The following RNPEP variants were observed in gnomAD, a reference collection of about 807,000 sequenced individuals.
RNPEP encodes arginyl aminopeptidase, also known as aminopeptidase B.
RNPEP carries 57 observed loss-of-function variants against 70.1 expected under a neutral mutation model. The observed-to-expected ratio is 0.81, with a 90% CI of 0.66 to 1.01. The LOEUF (loss-of-function observed/expected upper bound fraction) is 1.01. Ranked by LOEUF, RNPEP falls within the 50% of genes least tolerant of loss-of-function variation. The pLI, the probability that RNPEP is intolerant of heterozygous loss-of-function variation, is 0.00. For missense variants in RNPEP, 787 were observed against 852.4 expected (o/e 0.92, Z 0.96); for synonymous variants, 335 against 357.4 (o/e 0.94, Z 0.71).
intron 4 of RNPEP, 38 bp downstream of exon 4, chr1:201,996,301 C>A: frequency 7.4e-7 from 1 of 1,352,734 alleles, no homozygotes; most frequent in Non-Finnish European, 1.1e-6. Flanking sequence ...TCCTGTTAAA[C>A]TGAGTCACTG....
At chr1:201,994,668 C>CTTTT (rs774484493) in intron 3 of RNPEP, among the ~76,000 whole-genome samples, 3 of 137,888 alleles carry the variant, frequency 2.2e-5, no homozygotes, top group African/African-American at 8.0e-5. Context: ...CCATCAGTCT[C>CTTTT]TTTTTTTTTT....
intron 3 of RNPEP, among the ~76,000 whole-genome samples, chr1:201,992,644 C>G (rs564988722): frequency 3.2e-4 from 49 of 152,172 alleles, no homozygotes; most frequent in African/African-American, 1.2e-3. Context: ...CCTCCCTGGC[C>G]CAAGTGTGTG....
At chr1:201,988,174 A>G in intron 1 of RNPEP, among the ~76,000 whole-genome samples, 1 of 149,788 alleles carries the variant, frequency 6.7e-6, no homozygotes, top group Non-Finnish European at 1.5e-5. Context: ...GAGAATGTAT[A>G]TTAGGCTGAG....
At chr1:201,997,004 T>G (rs974735616) in intron 4 of RNPEP, among the ~76,000 whole-genome samples, 33 of 152,060 alleles carry the variant, frequency 2.2e-4, no homozygotes, top group African/African-American at 6.8e-4. Context: ...TCCAGGGAAC[T>G]CCATGTGATG....
At chr1:201,992,727 T>TA (rs1039957397) in intron 3 of RNPEP, among the ~76,000 whole-genome samples, 10 of 152,184 alleles carry the variant, frequency 6.6e-5, no homozygotes, top group African/African-American at 2.4e-4. Context: ...AGTCCCTTGT[T>TA]ATACAATTCC....
chr1:201,989,306 C>A, intron 2 of RNPEP, 77 bp from the exon 3 acceptor site: 1 of 1,518,454 alleles, frequency 6.6e-7, no homozygotes, highest in Non-Finnish European at 9.0e-7. Flanking sequence ...ACACAGGTGG[C>A]CGGTCATGCT....
intron 6 of RNPEP, among the ~76,000 whole-genome samples, chr1:202,000,664 A>G (rs1241031724): frequency 1.3e-5 from 2 of 152,126 alleles, no homozygotes; most frequent in Non-Finnish European, 2.9e-5. Flanking sequence ...TCCCAGGTCA[A>G]AGCGGGTGGA....
At chr1:201,996,038 A>T (rs752858516) in intron 3 of RNPEP, 109 bp from the exon 4 acceptor site, 12 of 776,454 alleles carry the variant, frequency 1.5e-5, no homozygotes, top group Non-Finnish European at 2.2e-5. Flanking sequence ...GGCTGACTGC[A>T]TTGTCACATT....
At position 201,999,952 on chromosome 1, in the gene RNPEP, C is replaced by G; in HGVS notation, c.1141C>G (p.Gln381Glu). Residue 381 changes from glutamine to glutamate, a missense_variant, in exon 6 of 11, where the codon CAG becomes GAG. By Grantham distance (29) the Gln-to-Glu change is conservative. Coordinates refer to ENST00000295640, the MANE Select transcript of RNPEP (RefSeq NM_020216.4). ...EAATGRALLRQHMDITGEENP... is the reference protein window; with the variant it reads ...EAATGRALLREHMDITGEENP... ...TGCAACGGGGCGGGCTCTGCTGCGT[C>G]AGCACATGGACATCACTGGAGAGGA... 6.2e-7 allele frequency: 1 copy of G among 1,613,934 alleles called. No individual in the cohort carries two copies. The highest frequency in any genetic ancestry group is 8.5e-7 in the Non-Finnish European group (1 of 1,179,904).
intron 9 of RNPEP, among the ~76,000 whole-genome samples, chr1:202,003,945 T>C (rs6427928): frequency 0.14 from 21,059 of 152,174 alleles, 2,747 homozygotes; most frequent in African/African-American, 0.35. Flanking sequence ...CAACATAATA[T>C]TCACCAAGGG....
At chr1:202,003,098 A>C (rs940022078) in intron 8 of RNPEP, 139 bp from the exon 9 acceptor site, 1 of 634,930 alleles carries the variant, frequency 1.6e-6, no homozygotes, top group East Asian at 2.8e-5. Flanking sequence ...GAATAGTTAC[A>C]TGGGAAAGTA....
At chr1:202,001,557 A>AG in intron 7 of RNPEP, 69 bp downstream of exon 7, 1 of 1,440,480 alleles carries the variant, frequency 6.9e-7, no homozygotes, top group Non-Finnish European at 9.8e-7. Flanking sequence ...GGGTAGAGGC[A>AG]GGGGGCGAAA....
In RNPEP at chr1:201,985,067, C is replaced by T. The variant is rs1056583914; in HGVS notation, c.447+1954C>T. 4.0e-5 allele frequency among the ~76,000 whole-genome samples: 6 copies of T among 151,702 alleles called. No individual in the cohort carries two copies. In the South Asian group the frequency reaches 1.3e-3, roughly 32 times the overall value. On this transcript the variant is annotated intron_variant, in intron 1 of 10. Transcript: ENST00000295640. ...AATTAGCTGGTTGTGGTGGCTCACA[C>T]CTGTAAACCCAGCTACCTGGGAGCC...
chr1:201,996,685 G>C (rs937726104), intron 4 of RNPEP, among the ~76,000 whole-genome samples: 4 of 152,058 alleles, frequency 2.6e-5, no homozygotes, highest in Non-Finnish European at 5.9e-5. Flanking sequence ...GTAGAGACAG[G>C]GTTTCACCAT....
chr1:202,001,119 A>G (rs1683783207), intron 6 of RNPEP: 2 of 460,690 alleles, frequency 4.3e-6, no homozygotes, highest in South Asian at 5.7e-5. Flanking sequence ...AGATCTTGGA[A>G]GTACCTTGAG....
At chr1:201,998,355 C>T (rs1683649345) in intron 5 of RNPEP, among the ~76,000 whole-genome samples, 3 of 151,590 alleles carry the variant, frequency 2.0e-5, no homozygotes, top group Admixed American at 1.3e-4. Flanking sequence ...GCCTCAGCTC[C>T]CCCACATCCC....
chr1:202,003,472 A>G lies in RNPEP; in HGVS notation c.1651+11A>G, dbSNP rs1683918917. ...CCCCTCTCCCTCCTGGTAAGAAAAA[A>G]TGGTGAACCAGGGCTCCTTGTGTGC... On this transcript the variant is annotated intron_variant, in intron 9 of 10. Coordinates refer to ENST00000295640, the MANE Select transcript of RNPEP (RefSeq NM_020216.4). 1.9e-6 allele frequency: 3 copies of G among 1,587,422 alleles called. No homozygotes were observed. The highest frequency in any genetic ancestry group is 2.6e-6 in the Non-Finnish European group (3 of 1,157,500).
chr1:201,989,907 C>T (rs1005731911), intron 3 of RNPEP, among the ~76,000 whole-genome samples: 111 of 150,786 alleles, frequency 7.4e-4, no homozygotes, highest in African/African-American at 2.6e-3. Context: ...TGCAATGGTG[C>T]GATCTTGGCT....
chr1:201,995,230 A>G (rs1390005268), intron 3 of RNPEP, among the ~76,000 whole-genome samples: 1 of 152,204 alleles, frequency 6.6e-6, no homozygotes, highest in Non-Finnish European at 1.5e-5. Context: ...AGAACCATCT[A>G]CTTTGTCATA....
Sources: gnomAD v4.1 joint callset for allele counts (sites outside exome capture counted in the v4.1 genomes callset) on GRCh38, gnomAD v4.1.1 for gene constraint, MANE v1.5 for transcripts, NCBI Gene and HGNC (gene_info 2026-07-23, HGNC 2026-07-21) for gene names.